The following MITF variants were observed in gnomAD, a reference collection of about 807,000 sequenced individuals.
MITF encodes microphthalmia-associated transcription factor.
Under a neutral mutation model 60.5 loss-of-function variants are expected in MITF, and 17 were observed. The ratio of observed to expected loss-of-function variants is 0.28; its 90% CI spans 0.19 to 0.42. The LOEUF is 0.42. MITF is among the 10% of genes least tolerant of loss of function. The pLI is 1.00. For synonymous variants in MITF, 260 were observed against 248.5 expected, an observed-to-expected ratio of 1.05 and a Z score of -0.43; for missense variants, 622 against 683.5, an observed-to-expected ratio of 0.91 and a Z score of 1.00.
rs1327805717 is a variant in MITF at position 69,747,434 on chromosome 3, T to C, written c.104+7733T>C. ...CTACCACTCACTGGCTCTGTGACTT[T>C]GGTCAAGTTATCCAACCTTTCTGAA... On this transcript the variant is annotated intron_variant, in intron 1 of 9. Transcript: ENST00000352241. 2.6e-5 allele frequency among the ~76,000 whole-genome samples: 4 copies of C among 152,214 alleles called. No homozygotes were observed. The East Asian group carries it at 7.7e-4, about 29-fold the overall frequency.
intron 1 of MITF, among the ~76,000 whole-genome samples, chr3:69,741,278 G>C (rs1489888126): frequency 2.0e-5 from 3 of 152,176 alleles, no homozygotes; most frequent in Non-Finnish European, 4.4e-5. Flanking sequence ...GAAGGGACCA[G>C]TGTTTTACTG....
At chr3:69,955,354 T>TA (rs2066370270) in intron 7 of MITF, among the ~76,000 whole-genome samples, 2 of 152,218 alleles carry the variant, frequency 1.3e-5, no homozygotes, top group Non-Finnish European at 2.9e-5. Flanking sequence ...ATATAATGGA[T>TA]TTAAGAAAAT....
intron 6 of MITF, among the ~76,000 whole-genome samples, chr3:69,951,047 A>T (rs947853294): frequency 6.7e-6 from 1 of 149,640 alleles, no homozygotes; most frequent in African/African-American, 2.5e-5. Context: ...AGTTCATTCT[A>T]TGAAGTAGTG....
chr3:69,909,705 A>T (rs1194176637), intron 2 of MITF, among the ~76,000 whole-genome samples: 1 of 152,126 alleles, frequency 6.6e-6, no homozygotes, highest in African/African-American at 2.4e-5. Flanking sequence ...TCCCTGCCCT[A>T]GAGATTTGTG....
intron 3 of MITF, 63 bp from the exon 4 acceptor site, chr3:69,939,035 C>A: frequency 1.3e-6 from 2 of 1,586,856 alleles, no homozygotes; most frequent in South Asian, 2.3e-5. Flanking sequence ...TTTGTGTGAA[C>A]AGGTCATTAA....
chr3:69,949,019 G>T (rs755280566), intron 5 of MITF, 32 bp from the exon 6 acceptor site: 46 of 1,474,014 alleles, frequency 3.1e-5, no homozygotes, highest in Non-Finnish European at 4.1e-5. Flanking sequence ...TTGTTCAACA[G>T]TTAATTTCTG....
intron 1 of MITF, among the ~76,000 whole-genome samples, chr3:69,817,497 C>G (rs1401275578): frequency 6.6e-6 from 1 of 151,752 alleles, no homozygotes; most frequent in Non-Finnish European, 1.5e-5. Context: ...ACTGTATACT[C>G]TGGATGGATG....
intron 1 of MITF, among the ~76,000 whole-genome samples, chr3:69,777,971 A>G (rs1434900077): frequency 6.6e-6 from 1 of 152,162 alleles, no homozygotes. Context: ...GCGGTGCCAC[A>G]GAGAATGTAT....
intron 1 of MITF, among the ~76,000 whole-genome samples, chr3:69,782,476 T>C (rs1016935288): frequency 6.6e-6 from 1 of 152,212 alleles, no homozygotes; most frequent in Non-Finnish European, 1.5e-5. Flanking sequence ...ATTCTTCCAT[T>C]TAATTGATGA....
intron 6 of MITF, among the ~76,000 whole-genome samples, chr3:69,951,069 A>G (rs888133914): frequency 2.0e-5 from 3 of 151,330 alleles, no homozygotes; most frequent in African/African-American, 7.3e-5. Flanking sequence ...ACTAGTTAGA[A>G]GAGACAGAGA....
At position 69,757,341 on chromosome 3, in the gene MITF, A is replaced by G. The variant is rs1427627550; in HGVS notation, c.104+17640A>G. On this transcript the variant is annotated intron_variant, in intron 1 of 9. Transcript: ENST00000352241. ...CTAACCAAAACTTGACTCTTGGTTA[A>G]ACAGTTCCCATTCAGAGTTTTATAA... 2.0e-5 allele frequency among the ~76,000 whole-genome samples: 3 copies of G among 152,204 alleles called. No homozygotes were observed. The East Asian group carries it at 5.8e-4, about 29-fold the overall frequency.
chr3:69,944,047 T>C (rs915098902), intron 5 of MITF, among the ~76,000 whole-genome samples: 3 of 152,148 alleles, frequency 2.0e-5, no homozygotes, highest in Non-Finnish European at 4.4e-5. Flanking sequence ...TGAATCATGA[T>C]CGTGCCACTG....
intron 1 of MITF, among the ~76,000 whole-genome samples, chr3:69,854,770 T>C (rs2063887288): frequency 6.6e-6 from 1 of 152,202 alleles, no homozygotes; most frequent in African/African-American, 2.4e-5. Flanking sequence ...CTCTACTCAC[T>C]AGATGCCAGT....
intron 1 of MITF, among the ~76,000 whole-genome samples, chr3:69,786,039 T>C (rs1353719199): frequency 1.3e-5 from 2 of 152,190 alleles, no homozygotes; most frequent in Admixed American, 6.5e-5. Context: ...TTCTAACATC[T>C]GTTTGGAGAA....
intron 1 of MITF, among the ~76,000 whole-genome samples, chr3:69,767,704 A>G (rs2062321828): frequency 1.3e-5 from 2 of 152,308 alleles, no homozygotes; most frequent in Non-Finnish European, 2.9e-5. Flanking sequence ...GCACTGAGAC[A>G]GTCTAAGCAC....
chr3:69,909,155 T>C (rs2065167057), intron 2 of MITF, among the ~76,000 whole-genome samples: 1 of 152,110 alleles, frequency 6.6e-6, no homozygotes, highest in African/African-American at 2.4e-5. Flanking sequence ...GGCTGGTCTT[T>C]CCCATGTGGT....
At chr3:69,949,564 A>T (rs2066190320) in intron 6 of MITF, among the ~76,000 whole-genome samples, 1 of 152,086 alleles carries the variant, frequency 6.6e-6, no homozygotes, top group African/African-American at 2.4e-5. Flanking sequence ...CCAGATCTGA[A>T]TTTTCCTTTG....
chr3:69,843,244 G>T lies in MITF; in HGVS notation c.105-35890G>T, dbSNP rs1321360364. ...GATACCCAACAACGAGGGAAGAAGG[G>T]TATGTTGTTTGAGAAATCATTTCCA... On this transcript the variant is annotated intron_variant, in intron 1 of 9. Transcript: ENST00000352241. Among the ~76,000 whole-genome samples the T allele has an allele frequency of 3.0e-5, 3 of 100,274 alleles. No homozygotes were observed. In the East Asian group the frequency reaches 9.0e-4, roughly 30 times the overall value. 65.8% of individuals were successfully genotyped at this position (100,274 alleles called of 152,430 possible). A position where few individuals can be genotyped will look rare whatever the true frequency, so the allele number is the denominator to read the frequency against.
At chr3:69,941,524 A>G (rs2065968571) in intron 5 of MITF, among the ~76,000 whole-genome samples, 193 bp downstream of exon 5, 1 of 152,222 alleles carries the variant, frequency 6.6e-6, no homozygotes, top group South Asian at 2.1e-4. Context: ...TGAGTTTATG[A>G]ATAATCCCAT....
Sources: allele counts gnomAD v4.1 joint callset (sites outside exome capture counted in the v4.1 genomes callset), GRCh38; gene constraint gnomAD v4.1.1; transcripts MANE v1.5; gene names NCBI Gene and HGNC (gene_info 2026-07-23, HGNC 2026-07-21).